The following MED13 variants were observed in gnomAD, a reference collection of about 807,000 sequenced individuals.
The protein encoded by MED13 is mediator of RNA polymerase II transcription subunit 13.
A neutral mutation model predicts 225.2 loss-of-function variants in MED13; 23 were observed. The observed-to-expected ratio is 0.10, with a 90% CI of 0.07 to 0.14. The LOEUF is 0.14. Among genes scored for constraint, MED13 ranks in the 10% least tolerant of loss-of-function variants. The pLI is 1.00. For missense variants in MED13, 2,197 were observed against 2,594.5 expected (o/e 0.85, Z 3.33); for synonymous variants, 942 against 889.2 (o/e 1.06, Z -1.06).
At position 61,962,785 on chromosome 17, in the gene MED13, A is replaced by T. The variant is rs1297375285; in HGVS notation, c.5031T>A (p.Leu1677=). 6.2e-7 allele frequency: 1 copy of T among 1,614,166 alleles called. No individual in the cohort carries two copies. ...LRCFLEMVQT[L]PPHIKSTVSV... Reference sequence around the variant, plus strand: ...AAACAGTACTCTTGATATGAGGAGGAAGAGTCTGGACCATTTCTAGAAAGC... The same window carrying T: ...AAACAGTACTCTTGATATGAGGAGGTAGAGTCTGGACCATTTCTAGAAAGC... Residue 1677 remains leucine (L), a synonymous_variant, in exon 21 of 30, where the codon CTT becomes CTA. Transcript: ENST00000397786.
chr17:62,029,790 T>G, intron 7 of MED13, 61 bp downstream of exon 7: 1 of 1,530,128 alleles, frequency 6.5e-7, no homozygotes, highest in Non-Finnish European at 8.8e-7. Flanking sequence ...ACTTTAGATA[T>G]CTTCTAATTA....
intron 5 of MED13, 122 bp downstream of exon 5, chr17:62,033,665 A>C: frequency 3.3e-6 from 3 of 899,820 alleles, no homozygotes; most frequent in Non-Finnish European, 3.4e-6. Context: ...GCAGGAAATT[A>C]AGGAATAAAT....
chr17:62,038,696 G>A (rs2080827081), intron 3 of MED13, among the ~76,000 whole-genome samples: 3 of 152,088 alleles, frequency 2.0e-5, no homozygotes, highest in Non-Finnish European at 2.9e-5. Flanking sequence ...TTATGGTTTA[G>A]AGACAGGTTC....
At chr17:62,038,813 G>A (rs549228349) in intron 3 of MED13, among the ~76,000 whole-genome samples, 2 of 151,456 alleles carry the variant, frequency 1.3e-5, no homozygotes, top group Admixed American at 1.3e-4. Context: ...ACAGGTGTGC[G>A]CTACCACACC....
rs745677592 is a variant in MED13, at chr17:61,962,840, G to A, written c.4976C>T (p.Ser1659Phe). The part of the protein sequence containing the change: ...YENTDESTNS[S>F]SVWTLGLLRC... Reference sequence around the variant, plus strand: ...AAGTAGCCCCAATGTCCACACACTAGAAGAGTTAGTGCTCTCGTCTGTATT... The same window carrying A: ...AAGTAGCCCCAATGTCCACACACTAAAAGAGTTAGTGCTCTCGTCTGTATT... Residue 1659 changes from serine to phenylalanine, a missense_variant, in exon 21 of 30, where the codon TCT becomes TTT. Coordinates refer to ENST00000397786, the MANE Select transcript of MED13 (RefSeq NM_005121.3). 1 of 1,614,112 alleles carries A rather than the reference G, an allele frequency of 6.2e-7. No homozygotes were observed. The highest frequency in any genetic ancestry group is 1.7e-5 in the Admixed American group (1 of 60,022).
chr17:62,020,689 T>C (rs111663474), intron 8 of MED13, among the ~76,000 whole-genome samples: 77 of 125,906 alleles, frequency 6.1e-4, no homozygotes, highest in Middle Eastern at 4.5e-3. Flanking sequence ...TGCTTTCTTT[T>C]TTTTTTTTTT....
At chr17:62,055,369 G>A (rs550059775) in intron 2 of MED13, among the ~76,000 whole-genome samples, 70 of 150,224 alleles carry the variant, frequency 4.7e-4, no homozygotes, top group South Asian at 1.1e-3. Context: ...CACTGTGGGC[G>A]ACATAGCGAG....
In MED13 at chr17:61,953,133, G is replaced by T. The variant is rs575991241; in HGVS notation, c.5969-20C>A. The T allele has an allele frequency of 1.8e-5, 29 of 1,600,636 alleles. 1 individual carries two copies. In the South Asian group the frequency reaches 2.0e-4, roughly 11 times the overall value. On this transcript the variant is annotated intron_variant, in intron 26 of 29. Transcript: ENST00000397786. ...CTCCATCTAAACAGGAGAAAGAAAA[G>T]AAATTTAAAACTCCATTTTCCATAT...
chr17:61,996,189 T>C (rs977511464), intron 9 of MED13, among the ~76,000 whole-genome samples: 2 of 152,162 alleles, frequency 1.3e-5, no homozygotes, highest in Non-Finnish European at 2.9e-5. Flanking sequence ...AGCTGATCTA[T>C]ACCAAAGAAC....
At chr17:62,038,856 AGGGGC>A (rs1403802004) in intron 3 of MED13, among the ~76,000 whole-genome samples, 1 of 151,548 alleles carries the variant, frequency 6.6e-6, no homozygotes, top group East Asian at 1.9e-4. Context: ...TAGGGATGGC[AGGGGC>A]GGGGGGGCTC....
intron 3 of MED13, among the ~76,000 whole-genome samples, chr17:62,050,743 C>T (rs1410575128): frequency 6.6e-6 from 1 of 152,202 alleles, no homozygotes; most frequent in African/African-American, 2.4e-5. Context: ...GTGGCTCACG[C>T]CTGTAATCCC....
At chr17:61,947,238 G>A (rs1472922960) in intron 28 of MED13, among the ~76,000 whole-genome samples, 1 of 135,870 alleles carries the variant, frequency 7.4e-6, no homozygotes, top group Admixed American at 7.7e-5. Flanking sequence ...TTGTTCTGTT[G>A]ACCAGGCTGG....
chr17:61,978,692 G>A (rs530369094), intron 16 of MED13, among the ~76,000 whole-genome samples: 11 of 152,106 alleles, frequency 7.2e-5, no homozygotes, highest in African/African-American at 2.4e-4. Context: ...TAGTGCTAGA[G>A]TCATGTTTCA....
At chr17:62,038,808 T>C (rs1460414924) in intron 3 of MED13, among the ~76,000 whole-genome samples, 1 of 151,584 alleles carries the variant, frequency 6.6e-6, no homozygotes, top group Non-Finnish European at 1.5e-5. Flanking sequence ...GGACTACAGG[T>C]GTGCGCTACC....
chr17:62,062,600 C>CA lies in MED13; in HGVS notation c.301+466_301+467insT, dbSNP rs914034052. On this transcript the variant is annotated intron_variant, in intron 2 of 29. Transcript: ENST00000397786. ...TAAAACACACACACACACACACACACCACACACACACACACACACACACAC... is the reference window on the plus strand; with the variant it reads ...TAAAACACACACACACACACACACACACACACACACACACACACACACACAC... Among the ~76,000 whole-genome samples, 789 of 136,288 alleles carry CA rather than the reference C, an allele frequency of 5.8e-3. 2 individuals are homozygous for CA. The highest frequency in any genetic ancestry group is 0.038 in the East Asian group (141 of 3,746). The allele number at this position is 136,288 out of a possible 152,430, so 89.4% of individuals were successfully genotyped here.
chr17:62,052,495 C>T, intron 3 of MED13, 42 bp downstream of exon 3: 13 of 1,437,288 alleles, frequency 9.0e-6, no homozygotes, highest in Non-Finnish European at 1.2e-5. Context: ...CAAAAAGGAA[C>T]AAATCTAAAG....
intron 8 of MED13, among the ~76,000 whole-genome samples, chr17:62,023,657 TACAGA>T (rs2080671258): frequency 6.6e-6 from 1 of 152,146 alleles, no homozygotes; most frequent in Non-Finnish European, 1.5e-5. Flanking sequence ...TTCCCTGCAA[TACAGA>T]ACAGAACAGA....
intron 9 of MED13, among the ~76,000 whole-genome samples, chr17:61,999,874 T>A (rs941094878): frequency 6.6e-6 from 1 of 151,954 alleles, no homozygotes; most frequent in African/African-American, 2.4e-5. Context: ...CTGGACAACA[T>A]AGCGAGATCC....
chr17:62,046,287 G>C (rs2143733482), intron 3 of MED13, among the ~76,000 whole-genome samples: 1 of 152,286 alleles, frequency 6.6e-6, no homozygotes, highest in African/African-American at 2.4e-5. Flanking sequence ...AAGGAAAAAG[G>C]GTAAGAAAGT....
Sources: gnomAD v4.1 joint callset for allele counts (sites outside exome capture counted in the v4.1 genomes callset) on GRCh38, gnomAD v4.1.1 for gene constraint, MANE v1.5 for transcripts, NCBI Gene and HGNC (gene_info 2026-07-23, HGNC 2026-07-21) for gene names.